OTOL1: variants seen among roughly 807,000 people sequenced by gnomAD.
OTOL1 encodes otolin 1, also known as otolin-1.
In OTOL1, 31 loss-of-function variants were observed where a neutral mutation model predicts 25.0. That is an observed-to-expected ratio of 1.24 (90% CI 0.93 to 1.67). The LOEUF (loss-of-function observed/expected upper bound fraction) is 1.67, where lower values mean the gene tolerates loss of function less well. Among genes scored for constraint, OTOL1 ranks in the 40% most tolerant of loss-of-function variants. The probability of loss-of-function intolerance (pLI) is 0.00; values close to 1 mark genes in which losing one functional copy is unlikely to be tolerated. For synonymous variants in OTOL1, 225 were observed against 210.3 expected (o/e 1.07, Z -0.61); for missense variants, 654 against 587.7 (o/e 1.11, Z -1.17).
At chr3:161,498,692 T>C (rs9861927) in intron 1 of OTOL1, among the ~76,000 whole-genome samples, 48,271 of 152,064 alleles carry the variant, frequency 0.32, 7,863 homozygotes, top group African/African-American at 0.34. Context: ...CTCAGCTTCA[T>C]GAGAGTAGGG....
chr3:161,503,294 A>C lies in OTOL1; in HGVS notation c.786A>C (p.Lys262Asn). Residue 262 changes from lysine to asparagine, a missense_variant, in exon 4 of 4, where the codon AAA becomes AAC. By Grantham distance (94) the Lys-to-Asn change is moderately conservative. Coordinates refer to ENST00000327928, the MANE Select transcript of OTOL1 (RefSeq NM_001080440.1). ...GACAGAAAGGTGAGGGGGGTATGAA[A>C]GGGGAAAAAGGTAGCAAAGGAGACA... Reference protein sequence around the residue: ...GKGQKGEGGMKGEKGSKGDSG... With the variant: ...GKGQKGEGGMNGEKGSKGDSG... 6.6e-7 allele frequency: 1 copy of C among 1,506,612 alleles called. No homozygotes were observed. Among genetic ancestry groups the C allele is most frequent in the South Asian group, 1.3e-5 (1 of 75,436 alleles). The allele number at this position is 1,506,612 out of a possible 1,614,324, so 93.3% of individuals were successfully genotyped here. A position where few individuals can be genotyped will look rare whatever the true frequency, so the allele number is the denominator to read the frequency against.
intron 1 of OTOL1, among the ~76,000 whole-genome samples, chr3:161,498,328 G>T (rs891840406): frequency 3.3e-5 from 5 of 151,984 alleles, no homozygotes; most frequent in African/African-American, 1.2e-4. Flanking sequence ...CTGTTCTCAG[G>T]GTTCATTCTC....
intron 3 of OTOL1, 48 bp downstream of exon 3, chr3:161,502,417 G>A: frequency 6.9e-7 from 1 of 1,447,074 alleles, no homozygotes; most frequent in Non-Finnish European, 9.7e-7. Flanking sequence ...GCGCAGTATA[G>A]CCCTTCATTC....
intron 3 of OTOL1, among the ~76,000 whole-genome samples, 199 bp downstream of exon 3, chr3:161,502,568 C>G (rs114736594): frequency 6.6e-6 from 1 of 152,148 alleles, no homozygotes; most frequent in Non-Finnish European, 1.5e-5. Context: ...TATCTGTGCT[C>G]TGCTTCTCTC....
rs1719043204 is a variant in OTOL1 at position 161,503,793 on chromosome 3, C to T, written c.1285C>T (p.Leu429Phe). ...TGGTCAGGAAATAGACCAGGCCTCTCTCCTCGTCATCTTGAAATTAAGTGC... is the reference window on the plus strand; with the variant it reads ...TGGTCAGGAAATAGACCAGGCCTCTTTCCTCGTCATCTTGAAATTAAGTGC... The part of the protein sequence containing the change: ...LYGQEIDQAS[L>F]LVILKLSAGD... The change falls in exon 4 of 4, where the codon CTC becomes TTC. Residue 429 changes from leucine to phenylalanine, a missense_variant. Transcript: ENST00000327928. 1 of 1,613,944 alleles carries T rather than the reference C, an allele frequency of 6.2e-7. No homozygotes were observed. Among genetic ancestry groups the T allele is most frequent in the South Asian group, 1.1e-5 (1 of 91,070 alleles).
intron 1 of OTOL1, 56 bp from the exon 2 acceptor site, chr3:161,499,115 A>T: frequency 7.4e-7 from 1 of 1,348,928 alleles, no homozygotes; most frequent in Non-Finnish European, 1.0e-6. Flanking sequence ...TTCCTGAACT[A>T]ATGAACTTTA....
rs1370591234 is a variant in OTOL1, at chr3:161,503,435, G to A, written c.927G>A (p.Pro309=). 22 of 1,613,366 alleles carry A rather than the reference G, an allele frequency of 1.4e-5. No individual in the cohort carries two copies. The highest frequency in any genetic ancestry group is 8.3e-5 in the Admixed American group (5 of 59,970). ...CTGGTCTCCTGGGACCTACTGGGCC[G>A]AAGGGTGACATTGGCAACAAAGGGG... ...GPPGLLGPTG[P]KGDIGNKGVR... is the part of the protein sequence containing the mutation. The change falls in exon 4 of 4, where the codon CCG becomes CCA. Residue 309 remains proline, a synonymous_variant. Coordinates refer to ENST00000327928, the MANE Select transcript of OTOL1 (RefSeq NM_001080440.1).
At position 161,496,883 on chromosome 3, in the gene OTOL1, A is replaced by C. The variant is rs760256235; in HGVS notation, c.76A>C (p.Thr26Pro). Residue 26 changes from threonine to proline, a missense_variant, in exon 1 of 4, where the codon ACA (threonine) becomes CCA (proline). Thr to Pro is a conservative substitution (Grantham distance 38). Coordinates refer to ENST00000327928, the MANE Select transcript of OTOL1 (RefSeq NM_001080440.1). ...IAGMNTIAKT[T>P]PHTKFTKKSE... ...TGGTATGAACACAATAGCAAAGACC[A>C]CACCACATACCAAATTTACGAAGAA... 1.9e-6 allele frequency: 3 copies of C among 1,613,120 alleles called. No homozygotes were observed. Among genetic ancestry groups the C allele is most frequent in the Non-Finnish European group, 2.5e-6 (3 of 1,179,442 alleles).
Position 161,503,897 on chromosome 3 carries a change from T to C in OTOL1, c.1389T>C (p.Thr463=). The part of the protein sequence containing the change: ...YVSAEDDSIF[T]GFLLYPEETS... ...GTGCTGAGGATGACAGCATTTTTAC[T>C]GGGTTCCTTTTGTACCCAGAGGAAA... Residue 463 remains threonine, a synonymous_variant, in exon 4 of 4, where the codon ACT becomes ACC. Transcript: ENST00000327928. 6.2e-7 allele frequency: 1 copy of C among 1,613,632 alleles called. No individual in the cohort carries two copies. The highest frequency in any genetic ancestry group is 2.2e-5 in the East Asian group (1 of 44,846).
chr3:161,501,165 G>A (rs1463946), intron 2 of OTOL1, among the ~76,000 whole-genome samples: 85,512 of 151,918 alleles, frequency 0.56, 24,543 homozygotes, highest in South Asian at 0.7. Flanking sequence ...TTGTGAATTT[G>A]AAATTTTCCA....
rs78899662 is a variant in OTOL1 at position 161,499,791 on chromosome 3, C to T, written c.454+531C>T. ...ACAACTTAATTAAAACAGAAGTAAT[C>T]AAGCTTATAATAATGACATTGGGCA... On this transcript the variant is annotated intron_variant, in intron 2 of 3. Transcript: ENST00000327928. Among the ~76,000 whole-genome samples the T allele has an allele frequency of 8.6e-3, 1,311 of 152,242 alleles. 27 individuals carry two copies. Among genetic ancestry groups the T allele is most frequent in the African/African-American group, 0.03 (1,255 of 41,550 alleles).
chr3:161,496,854 T>C lies in OTOL1; in HGVS notation c.47T>C (p.Ile16Thr). 1 of 1,605,578 alleles carries C rather than the reference T, an allele frequency of 6.2e-7. No homozygotes were observed. ...WLCAILIILA[I>T]AGMNTIAKTT... Reference sequence around the variant, plus strand: ...TGTGCTATTTTAATTATTTTGGCTATTGCTGGTATGAACACAATAGCAAAG... The same window carrying C: ...TGTGCTATTTTAATTATTTTGGCTACTGCTGGTATGAACACAATAGCAAAG... The change falls in exon 1 of 4, where the codon ATT becomes ACT. Residue 16 changes from isoleucine (I) to threonine (T), a missense_variant. Coordinates refer to ENST00000327928, the MANE Select transcript of OTOL1 (RefSeq NM_001080440.1).
chr3:161,502,459 G>A (rs560015637), intron 3 of OTOL1, 90 bp downstream of exon 3: 2 of 1,101,690 alleles, frequency 1.8e-6, no homozygotes, highest in East Asian at 2.6e-5. Context: ...TTATCAGAGA[G>A]GTAAGCTGAA....
chr3:161,502,290 T>A lies in OTOL1; in HGVS notation c.455-17T>A. On this transcript the variant is annotated splice_polypyrimidine_tract_variant and intron_variant, in intron 2 of 3. Transcript: ENST00000327928. Reference sequence around the variant, plus strand: ...AATGATGTAGTTGGTAAAAAGTTAATCTTGGTATCATCTTAGGACTCAAAG... The same window carrying A: ...AATGATGTAGTTGGTAAAAAGTTAAACTTGGTATCATCTTAGGACTCAAAG... The A allele has an allele frequency of 6.2e-7, 1 of 1,606,332 alleles. No individual in the cohort carries two copies. The highest frequency in any genetic ancestry group is 8.5e-7 in the Non-Finnish European group (1 of 1,174,254).
intron 2 of OTOL1, among the ~76,000 whole-genome samples, chr3:161,501,325 T>A (rs1262176422): frequency 6.6e-6 from 1 of 152,116 alleles, no homozygotes; most frequent in East Asian, 1.9e-4. Flanking sequence ...AAATGTGTAA[T>A]AAGAGTGAGA....
chr3:161,498,036 C>T (rs968473943), intron 1 of OTOL1, among the ~76,000 whole-genome samples: 4 of 152,004 alleles, frequency 2.6e-5, no homozygotes, highest in Admixed American at 6.6e-5. Context: ...TTGGGAAATG[C>T]GGTTAGTATT....
At position 161,503,402 on chromosome 3, in the gene OTOL1, A is replaced by G. The variant is rs765770619; in HGVS notation, c.894A>G (p.Leu298=). 1 of 1,611,740 alleles carries G rather than the reference A, an allele frequency of 6.2e-7. No homozygotes were observed. The highest frequency in any genetic ancestry group is 1.1e-5 in the South Asian group (1 of 90,886). Residue 298 remains leucine, a synonymous_variant, in exon 4 of 4, where the codon TTA becomes TTG. Coordinates refer to ENST00000327928, the MANE Select transcript of OTOL1 (RefSeq NM_001080440.1). ...DPGIKGEKGE[L]GPPGLLGPTG... ...GGATTAAAGGAGAAAAAGGAGAGTTAGGTCCTCCTGGTCTCCTGGGACCTA... is the reference window on the plus strand; with the variant it reads ...GGATTAAAGGAGAAAAAGGAGAGTTGGGTCCTCCTGGTCTCCTGGGACCTA...
At position 161,497,124 on chromosome 3, in the gene OTOL1, C is replaced by T. The variant is rs1258333121; in HGVS notation, c.317C>T (p.Ser106Leu). ...TTTTTGAATTGTTGTGATTGTTGTT[C>T]ACCTGTACCCGGGCAGAAAGGAGAA... ...DFFLNCCDCC[S>L]PVPGQKGEPG... Residue 106 changes from serine to leucine, a missense_variant, in exon 1 of 4, where the codon TCA (serine) becomes TTA (leucine). By Grantham distance (145) the Ser-to-Leu change is moderately radical. Transcript: ENST00000327928. 1 of 1,613,476 alleles carries T rather than the reference C, an allele frequency of 6.2e-7. No homozygotes were observed. Among genetic ancestry groups the T allele is most frequent in the South Asian group, 1.1e-5 (1 of 91,060 alleles).
rs1181071042 is a variant in OTOL1, at chr3:161,503,518, T to G, written c.1010T>G (p.Leu337Trp). The change falls in exon 4 of 4, where the codon TTG (leucine) becomes TGG (tryptophan). Residue 337 changes from leucine to tryptophan, a missense_variant. Leu to Trp is a moderately conservative substitution (Grantham distance 61). Coordinates refer to ENST00000327928, the MANE Select transcript of OTOL1 (RefSeq NM_001080440.1). ...GGCTTTAAAGGCTCCAAGGGTGAGTTGGCTAGAGTGCCCCGGTCGGCTTTC... is the reference window on the plus strand; with the variant it reads ...GGCTTTAAAGGCTCCAAGGGTGAGTGGGCTAGAGTGCCCCGGTCGGCTTTC... ...SRGFKGSKGE[L>W]ARVPRSAFSA... The G allele has an allele frequency of 6.2e-7, 1 of 1,613,628 alleles. No individual in the cohort carries two copies. Among genetic ancestry groups the G allele is most frequent in the Non-Finnish European group, 8.5e-7 (1 of 1,179,826 alleles).
Sources: allele counts gnomAD v4.1 joint callset (sites outside exome capture counted in the v4.1 genomes callset), GRCh38; gene constraint gnomAD v4.1.1; transcripts MANE v1.5; gene names NCBI Gene and HGNC (gene_info 2026-07-23, HGNC 2026-07-21).